Variants in HPS3 observed in about 807,000 individuals in gnomAD.
HPS3 encodes BLOC-2 complex member HPS3.
A neutral mutation model predicts 110.9 loss-of-function variants in HPS3; 79 were observed. That is an observed-to-expected ratio of 0.71 (90% CI 0.59 to 0.86). HPS3 has a LOEUF of 0.86. HPS3 is among the 40% of genes least tolerant of loss of function. HPS3 has a pLI of 0.00. For missense variants in HPS3, 1,197 were observed against 1,206.2 expected (o/e 0.99, Z 0.11); for synonymous variants, 428 against 451.0 (o/e 0.95, Z 0.65).
intron 4 of HPS3, among the ~76,000 whole-genome samples, 157 bp downstream of exon 4, chr3:149,141,537 T>G (rs1481293389): frequency 3.4e-5 from 5 of 148,404 alleles, no homozygotes; most frequent in Admixed American, 6.7e-5. Flanking sequence ...TTTTGTTTTT[T>G]TTTTTTTTTT....
chr3:149,137,087 A>G (rs993424078), intron 1 of HPS3, among the ~76,000 whole-genome samples: 1 of 152,188 alleles, frequency 6.6e-6, no homozygotes, highest in Non-Finnish European at 1.5e-5. Flanking sequence ...AGGGATTAAT[A>G]TCTAGAATAT....
intron 16 of HPS3, among the ~76,000 whole-genome samples, chr3:149,169,581 A>G (rs2108191730): frequency 6.6e-6 from 1 of 152,326 alleles, no homozygotes; most frequent in South Asian, 2.1e-4. Context: ...ATTAAACAGT[A>G]TCCCTGGTCT....
At chr3:149,167,392 G>T in intron 15 of HPS3, 152 bp downstream of exon 15, 1 of 687,806 alleles carries the variant, frequency 1.5e-6, no homozygotes, top group South Asian at 1.6e-5. Context: ...AATATGTTAC[G>T]TGTTTTGAGT....
rs759399338 is a variant in HPS3, at chr3:149,162,161, G to A, written c.2120G>A (p.Cys707Tyr). 1 of 1,613,804 alleles carries A rather than the reference G, an allele frequency of 6.2e-7. No individual in the cohort carries two copies. The highest frequency in any genetic ancestry group is 8.5e-7 in the Non-Finnish European group (1 of 1,179,770). ...MKSHSEMKLV[C>Y]GFILEPRLLI... ...TCTTATCTGAAGATGAAGTTGGTAT[G>A]TGGCTTCATTCTGGAACCTCGGCTG... is the stretch of plus-strand genomic sequence containing the variant. The change falls in exon 12 of 17, where the codon TGT (cysteine) becomes TAT (tyrosine). Residue 707 changes from cysteine to tyrosine, a missense_variant. Transcript: ENST00000296051.
In HPS3 at chr3:149,140,398, A is replaced by C; in HGVS notation, c.612A>C (p.Leu204Phe). 6.2e-7 allele frequency: 1 copy of C among 1,611,228 alleles called. No homozygotes were observed. Among genetic ancestry groups the C allele is most frequent in the Non-Finnish European group, 8.5e-7 (1 of 1,178,516 alleles). ...CVGYVAVMSDLEVLIVKLESG... is the reference protein window; with the variant it reads ...CVGYVAVMSDFEVLIVKLESG... ...GATATGTTGCTGTCATGTCAGACTT[A>C]GAAGTCTTAATCGTAAAACTGGAGT... Residue 204 changes from leucine to phenylalanine, a missense_variant, in exon 2 of 17, where the codon TTA becomes TTC. Coordinates refer to ENST00000296051, the MANE Select transcript of HPS3 (RefSeq NM_032383.5).
chr3:149,130,213 G>T, intron 1 of HPS3: 1 of 554,108 alleles, frequency 1.8e-6, no homozygotes, highest in Non-Finnish European at 3.2e-6. Context: ...CCTCTGGCTG[G>T]ATTCCACTCA....
Position 149,140,439 on chromosome 3 carries a change from G to A in HPS3, c.653G>A (p.Gly218Glu). Reference sequence around the variant, plus strand: ...AAACTGGAGTCAGGCCCTAAAAATGGAGAGAGAGTTCACCACCATCCACAT... The same window carrying A: ...AAACTGGAGTCAGGCCCTAAAAATGAAGAGAGAGTTCACCACCATCCACAT... ...IVKLESGPKN[G>E]ERVHHHPHKT... Residue 218 changes from glycine (G) to glutamate (E), a missense_variant, in exon 2 of 17, where the codon GGA becomes GAA. Physicochemically the swap from Gly to Glu is moderately conservative, Grantham distance 98 (BLOSUM62 -2). Coordinates refer to ENST00000296051, the MANE Select transcript of HPS3 (RefSeq NM_032383.5). The A allele has an allele frequency of 6.2e-7, 1 of 1,612,952 alleles. No homozygotes were observed. Among genetic ancestry groups the A allele is most frequent in the Non-Finnish European group, 8.5e-7 (1 of 1,179,598 alleles).
intron 1 of HPS3, among the ~76,000 whole-genome samples, chr3:149,136,722 T>G (rs961531925): frequency 2.0e-5 from 3 of 152,206 alleles, no homozygotes; most frequent in Non-Finnish European, 4.4e-5. Flanking sequence ...GCAGGCACAT[T>G]TAGCAAGTGC....
intron 5 of HPS3, among the ~76,000 whole-genome samples, chr3:149,147,108 G>A (rs1203575596): frequency 6.6e-6 from 1 of 152,102 alleles, no homozygotes. Flanking sequence ...TTGTCTGATG[G>A]GATAATGGGG....
intron 9 of HPS3, 49 bp from the exon 10 acceptor site, chr3:149,158,617 G>A (rs759410603): frequency 1.1e-5 from 17 of 1,538,268 alleles, no homozygotes; most frequent in South Asian, 4.5e-5. Context: ...GTGAGACCCC[G>A]TCTTTAAAAA....
At chr3:149,162,989 G>A (rs954681423) in intron 13 of HPS3, 111 bp downstream of exon 13, 5 of 934,578 alleles carry the variant, frequency 5.4e-6, no homozygotes, top group African/African-American at 3.3e-5. Context: ...CTATTACCAG[G>A]TATCTTATTT....
chr3:149,136,632 G>A (rs1722117200), intron 1 of HPS3, among the ~76,000 whole-genome samples: 1 of 152,144 alleles, frequency 6.6e-6, no homozygotes, highest in African/African-American at 2.4e-5. Flanking sequence ...TATAAAATGA[G>A]GAGGGAGATT....
At position 149,140,342 on chromosome 3, in the gene HPS3, A is replaced by G. The variant is rs1396242829; in HGVS notation, c.556A>G (p.Ile186Val). 1.4e-5 allele frequency: 23 copies of G among 1,612,980 alleles called. No individual in the cohort carries two copies. The highest frequency in any genetic ancestry group is 2.0e-5 in the Non-Finnish European group (23 of 1,179,160). Residue 186 changes from isoleucine to valine, a missense_variant, in exon 2 of 17, where the codon ATC becomes GTC. Coordinates refer to ENST00000296051, the MANE Select transcript of HPS3 (RefSeq NM_032383.5). ...ERSLIIHIDN[I>V]TPVEVSFCVG... is the part of the protein sequence containing the mutation. ...TTCTTTAATTATACACATAGATAAT[A>G]TCACTCCTGTTGAGGTTTCTTTTTG...
chr3:149,145,783 G>A (rs1722752439), intron 5 of HPS3, among the ~76,000 whole-genome samples: 1 of 152,194 alleles, frequency 6.6e-6, no homozygotes, highest in Admixed American at 6.5e-5. Context: ...CTGTAAGGAA[G>A]TATAAGGTTC....
At chr3:149,150,258 G>A (rs972941986) in intron 5 of HPS3, among the ~76,000 whole-genome samples, 10 of 152,160 alleles carry the variant, frequency 6.6e-5, no homozygotes, top group African/African-American at 1.7e-4. Flanking sequence ...GGCATCATTT[G>A]TCTGTAAAAT....
intron 2 of HPS3, 144 bp from the exon 3 acceptor site, chr3:149,140,873 G>A (rs1722398819): frequency 1.9e-5 from 14 of 733,832 alleles, no homozygotes; most frequent in Non-Finnish European, 3.2e-5. Context: ...AAATGAGCAA[G>A]TGCTAAGTCT....
intron 1 of HPS3, 152 bp downstream of exon 1, chr3:149,130,092 TG>T (rs1377283399): frequency 1.4e-6 from 1 of 717,018 alleles, no homozygotes; most frequent in Admixed American, 2.6e-5. Context: ...GGCCGCTGAT[TG>T]CTTGAAGTCG....
At chr3:149,161,541 G>A (rs1233374102) in intron 11 of HPS3, among the ~76,000 whole-genome samples, 6 of 119,108 alleles carry the variant, frequency 5.0e-5, no homozygotes, top group African/African-American at 1.3e-4. Context: ...TGAGAGCCTC[G>A]TTCTGTGGCC....
chr3:149,166,716 C>A (rs1335943075), intron 14 of HPS3, among the ~76,000 whole-genome samples: 1 of 152,100 alleles, frequency 6.6e-6, no homozygotes, highest in East Asian at 1.9e-4. Flanking sequence ...TCTTTAACCA[C>A]AATGTTGATT....
Sources: gnomAD v4.1 joint callset for allele counts (sites outside exome capture counted in the v4.1 genomes callset) on GRCh38, gnomAD v4.1.1 for gene constraint, MANE v1.5 for transcripts, NCBI Gene and HGNC (gene_info 2026-07-23, HGNC 2026-07-21) for gene names.